Variants in SLAIN2 observed in about 807,000 individuals in gnomAD.
The protein encoded by SLAIN2 is SLAIN motif-containing protein 2.
A neutral mutation model predicts 56.6 loss-of-function variants in SLAIN2; 31 were observed. The ratio of observed to expected loss-of-function variants is 0.55; its 90% CI spans 0.41 to 0.74. SLAIN2 has a LOEUF of 0.74. Among genes scored for constraint, SLAIN2 ranks in the 30% least tolerant of loss-of-function variants. The probability of loss-of-function intolerance (pLI) is 0.00; values close to 1 mark genes in which losing one functional copy is unlikely to be tolerated. For missense variants in SLAIN2, 777 were observed against 754.2 expected, an observed-to-expected ratio of 1.03 and a Z score of -0.35; for synonymous variants, 317 against 284.9, an observed-to-expected ratio of 1.11 and a Z score of -1.13.
At chr4:48,409,673 C>G (rs1157716411) in intron 6 of SLAIN2, among the ~76,000 whole-genome samples, 1 of 152,108 alleles carries the variant, frequency 6.6e-6, no homozygotes, top group Admixed American at 6.5e-5. Flanking sequence ...CACCTGAGGT[C>G]AGGAGTTTGA....
Position 48,382,567 on chromosome 4 carries a change from G to A in SLAIN2, c.863-1G>A, listed in dbSNP as rs1715994530. On this transcript the variant is annotated splice_acceptor_variant, in intron 4 of 7. Coordinates refer to ENST00000264313, the MANE Select transcript of SLAIN2 (RefSeq NM_020846.2). LOFTEE classifies it high-confidence loss of function. ...AAATAAATAACATTCATTGTTGCCA[G>A]GTCTCCGGCAAGAATATGCAGCCAC... 6.4e-7 allele frequency: 1 copy of A among 1,555,150 alleles called. No homozygotes were observed. The highest frequency in any genetic ancestry group is 8.8e-7 in the Non-Finnish European group (1 of 1,142,782).
Position 48,358,339 on chromosome 4 carries a change from G to A in SLAIN2, c.390-11510G>A, listed in dbSNP as rs1243410246. Among the ~76,000 whole-genome samples the A allele has an allele frequency of 8.4e-5, 12 of 142,848 alleles. No homozygotes were observed. The Admixed American group carries it at 8.4e-4, about 10-fold the overall frequency. The allele number at this position is 142,848 out of a possible 152,430, so 93.7% of individuals were successfully genotyped here. A position where few individuals can be genotyped will look rare whatever the true frequency, so the allele number is the denominator to read the frequency against. On this transcript the variant is annotated intron_variant, in intron 1 of 7. Coordinates refer to ENST00000264313, the MANE Select transcript of SLAIN2 (RefSeq NM_020846.2). ...CTAACAAAGCTTTTTTTTTTTTTGA[G>A]ACGGAGTTTCACTCTTGTTGCCCAT...
chr4:48,341,706 GGGCGGCGGAGGCGGCGGC>G lies in SLAIN2; in HGVS notation c.-25_-8del. ...TTTCCCTGTCGCTGCGAGAGCGAGC[GGGCGGCGGAGGCGGCGGC>G]GGCGGCGGGGCCGGGATGGAGGACG... On this transcript the variant is annotated 5_prime_UTR_variant, in exon 1 of 8. Transcript: ENST00000264313. The G allele has an allele frequency of 1.3e-6, 2 of 1,521,832 alleles. No homozygotes were observed. Among genetic ancestry groups the G allele is most frequent in the Non-Finnish European group, 1.8e-6 (2 of 1,134,550 alleles). 94.3% of individuals were successfully genotyped at this position (1,521,832 alleles called of 1,614,324 possible).
intron 1 of SLAIN2, among the ~76,000 whole-genome samples, chr4:48,344,868 G>T (rs9992736): frequency 0.28 from 42,622 of 151,870 alleles, 6,277 homozygotes; most frequent in South Asian, 0.48. Flanking sequence ...AAAAATGCTG[G>T]TTACTCCCCA....
At chr4:48,350,844 A>G (rs1714992192) in intron 1 of SLAIN2, among the ~76,000 whole-genome samples, 1 of 152,202 alleles carries the variant, frequency 6.6e-6, no homozygotes, top group African/African-American at 2.4e-5. Context: ...TAGAGACTTT[A>G]GAGAAAAAAA....
chr4:48,376,796 G>A (rs1715826455), intron 2 of SLAIN2, among the ~76,000 whole-genome samples: 1 of 149,644 alleles, frequency 6.7e-6, no homozygotes, highest in South Asian at 2.1e-4. Flanking sequence ...CTAATTTTTT[G>A]TATTTTTTAG....
At chr4:48,366,956 G>A (rs1404643318) in intron 1 of SLAIN2, among the ~76,000 whole-genome samples, 2 of 152,030 alleles carry the variant, frequency 1.3e-5, no homozygotes, top group Non-Finnish European at 2.9e-5. Flanking sequence ...AAATTCTAAA[G>A]TGTCAAAATG....
intron 1 of SLAIN2, among the ~76,000 whole-genome samples, chr4:48,353,380 A>G (rs1715062942): frequency 6.6e-6 from 1 of 152,192 alleles, no homozygotes; most frequent in Admixed American, 6.5e-5. Flanking sequence ...AAATAGTCAT[A>G]AGAACTTTGA....
At chr4:48,392,378 G>A (rs891113947) in intron 6 of SLAIN2, among the ~76,000 whole-genome samples, 5 of 152,048 alleles carry the variant, frequency 3.3e-5, no homozygotes, top group African/African-American at 9.7e-5. Context: ...CATTGGAGTC[G>A]CCACAGCTAT....
At chr4:48,372,679 C>CAGTT (rs1715700085) in intron 2 of SLAIN2, among the ~76,000 whole-genome samples, 2 of 152,286 alleles carry the variant, frequency 1.3e-5, no homozygotes, top group Non-Finnish European at 2.9e-5. Flanking sequence ...GTAAGAGAGG[C>CAGTT]AGTTACTCTT....
In SLAIN2 at chr4:48,341,756, C is replaced by A. The variant is rs767404012; in HGVS notation, c.17C>A (p.Ser6Tyr). 2.6e-6 allele frequency: 4 copies of A among 1,533,126 alleles called. No individual in the cohort carries two copies. The Admixed American group carries it at 8.1e-5, about 31-fold the overall frequency. 95.0% of individuals were successfully genotyped at this position (1,533,126 alleles called of 1,614,324 possible). The change falls in exon 1 of 8, where the codon TCC becomes TAC. Residue 6 changes from serine (S) to tyrosine (Y), a missense_variant. By Grantham distance (144) the Ser-to-Tyr change is moderately radical (BLOSUM62 -2). Coordinates refer to ENST00000264313, the MANE Select transcript of SLAIN2 (RefSeq NM_020846.2). MEDVN[S>Y]NVNADQEVRK... ...GGGGCCGGGATGGAGGACGTTAACT[C>A]CAACGTGAACGCGGACCAGGAGGTG... is the stretch of plus-strand genomic sequence containing the variant.
chr4:48,348,870 A>T (rs1240438134), intron 1 of SLAIN2, among the ~76,000 whole-genome samples: 2 of 152,194 alleles, frequency 1.3e-5, no homozygotes, highest in Non-Finnish European at 2.9e-5. Flanking sequence ...TTTGAAAACC[A>T]TTAGAAGTCA....
chr4:48,395,167 A>G (rs1389531806), intron 6 of SLAIN2, among the ~76,000 whole-genome samples: 2 of 152,186 alleles, frequency 1.3e-5, no homozygotes, highest in Non-Finnish European at 2.9e-5. Flanking sequence ...TGAAGGTCGG[A>G]CATCAAAGCT....
chr4:48,391,168 A>C (rs569821120), intron 6 of SLAIN2, among the ~76,000 whole-genome samples: 1 of 152,324 alleles, frequency 6.6e-6, no homozygotes, highest in Admixed American at 6.5e-5. Flanking sequence ...TTTATTTCTA[A>C]TATGCTTAAA....
intron 6 of SLAIN2, among the ~76,000 whole-genome samples, chr4:48,392,999 A>C (rs560939883): frequency 6.6e-6 from 1 of 151,908 alleles, no homozygotes; most frequent in South Asian, 2.1e-4. Flanking sequence ...TAAAAATATA[A>C]ATGGTTGAAA....
At chr4:48,369,603 T>A (rs1231079012) in intron 1 of SLAIN2, among the ~76,000 whole-genome samples, 1 of 152,176 alleles carries the variant, frequency 6.6e-6, no homozygotes, top group Non-Finnish European at 1.5e-5. Context: ...TATTTTCTCA[T>A]AGTCTTAGTA....
chr4:48,360,941 A>T (rs1715311566), intron 1 of SLAIN2, among the ~76,000 whole-genome samples: 1 of 152,352 alleles, frequency 6.6e-6, no homozygotes, highest in East Asian at 1.9e-4. Flanking sequence ...ATTGCCTCCA[A>T]CACATTTTTA....
intron 1 of SLAIN2, among the ~76,000 whole-genome samples, chr4:48,354,233 C>T (rs1715091814): frequency 6.6e-6 from 1 of 151,988 alleles, no homozygotes; most frequent in Non-Finnish European, 1.5e-5. Context: ...AGATCCTGGG[C>T]TATATAAAGT....
intron 6 of SLAIN2, among the ~76,000 whole-genome samples, chr4:48,399,143 A>G (rs1168404006): frequency 6.6e-6 from 1 of 152,086 alleles, no homozygotes; most frequent in African/African-American, 2.4e-5. Flanking sequence ...TGAGCATGGA[A>G]TGTTTTTCCA....
Sources: gnomAD v4.1 joint callset for allele counts (sites outside exome capture counted in the v4.1 genomes callset) on GRCh38, gnomAD v4.1.1 for gene constraint, MANE v1.5 for transcripts, NCBI Gene and HGNC (gene_info 2026-07-23, HGNC 2026-07-21) for gene names.